BIRC6: variants seen among roughly 807,000 people sequenced by gnomAD.
The protein encoded by BIRC6 is baculoviral IAP repeat containing 6.
BIRC6 carries 98 observed loss-of-function variants against 503.3 expected under a neutral mutation model. The observed-to-expected ratio is 0.19, with a 90% CI of 0.17 to 0.23. The LOEUF is 0.23. Among genes scored for constraint, BIRC6 ranks in the 10% least tolerant of loss-of-function variants. The pLI is 1.00. For synonymous variants in BIRC6, 2,240 were observed against 2,078.7 expected (o/e 1.08, Z -2.11); for missense variants, 5,360 against 5,806.0 (o/e 0.92, Z 2.50).
chr2:32,377,557 C>G (rs572056035), intron 1 of BIRC6, 31 bp from the exon 2 acceptor site: 1 of 1,549,958 alleles, frequency 6.5e-7, no homozygotes, highest in African/African-American at 1.4e-5. Context: ...GCCTGAAAAT[C>G]TTAAGTGTTG....
chr2:32,520,488 T>C (rs1324063175), intron 57 of BIRC6, among the ~76,000 whole-genome samples: 1 of 152,180 alleles, frequency 6.6e-6, no homozygotes, highest in Admixed American at 6.5e-5. Context: ...CCTGAAATTG[T>C]CCATTCTACA....
At chr2:32,584,615 T>G (rs1465234086) in intron 66 of BIRC6, among the ~76,000 whole-genome samples, 2 of 152,232 alleles carry the variant, frequency 1.3e-5, no homozygotes, top group Non-Finnish European at 2.9e-5. Context: ...TTGTATGTTT[T>G]TCTTGTTCAA....
intron 23 of BIRC6, among the ~76,000 whole-genome samples, chr2:32,456,674 TTAA>T: frequency 6.6e-6 from 1 of 152,344 alleles, no homozygotes; most frequent in Middle Eastern, 3.4e-3. Context: ...CCATCCATAC[TTAA>T]TAATGTTAAC....
At chr2:32,607,365 T>A in intron 71 of BIRC6, 90 bp from the exon 72 acceptor site, 1 of 882,552 alleles carries the variant, frequency 1.1e-6, no homozygotes, top group African/African-American at 1.7e-5. Flanking sequence ...AAACACATAT[T>A]AAAGAAGAGT....
intron 25 of BIRC6, 113 bp from the exon 26 acceptor site, chr2:32,464,952 C>A: frequency 7.5e-7 from 1 of 1,335,270 alleles, no homozygotes; most frequent in Non-Finnish European, 1.0e-6. Flanking sequence ...TAAAATATTA[C>A]AGTACATACA....
Position 32,430,947 on chromosome 2 carries a change from T to G in BIRC6, c.3105T>G (p.Thr1035=), listed in dbSNP as rs2044033935. The G allele has an allele frequency of 2.5e-6, 4 of 1,613,230 alleles. No homozygotes were observed. In the African/African-American group the frequency reaches 5.3e-5, roughly 22 times the overall value. Residue 1035 remains threonine (T), a synonymous_variant, in exon 12 of 74, where the codon ACT becomes ACG. Transcript: ENST00000421745. The stretch of plus-strand genomic sequence containing the variant: ...AGCTAACCCGCTTTGAGACTTTGAC[T>G]CCAAGGTTTTCAGCGACTGTTCCTC... ...LVELTRFETL[T]PRFSATVPPC...
intron 3 of BIRC6, among the ~76,000 whole-genome samples, chr2:32,386,348 T>G (rs777037841): frequency 2.0e-5 from 3 of 152,146 alleles, no homozygotes; most frequent in African/African-American, 7.2e-5. Context: ...ACCTGATAGT[T>G]TACCATCCAC....
chr2:32,551,103 T>G (rs12465072), intron 65 of BIRC6, among the ~76,000 whole-genome samples: 10 of 151,846 alleles, frequency 6.6e-5, no homozygotes, highest in Non-Finnish European at 1.2e-4. Context: ...ATGTAACTTA[T>G]AGTCAGTAGG....
At chr2:32,456,086 T>G (rs1401059601) in intron 23 of BIRC6, among the ~76,000 whole-genome samples, 1 of 152,212 alleles carries the variant, frequency 6.6e-6, no homozygotes, top group Non-Finnish European at 1.5e-5. Flanking sequence ...AAAGAACATT[T>G]CCAGCACCCC....
chr2:32,519,809 C>T (rs2055448821), intron 57 of BIRC6, among the ~76,000 whole-genome samples: 1 of 152,174 alleles, frequency 6.6e-6, no homozygotes, highest in South Asian at 2.1e-4. Flanking sequence ...TGAGCTACCG[C>T]GCCTGGCCCA....
intron 40 of BIRC6, among the ~76,000 whole-genome samples, chr2:32,486,719 A>T: frequency 6.6e-6 from 1 of 152,204 alleles, no homozygotes. Context: ...CTTATGTTAA[A>T]TTGAATTCTT....
rs141751482 is a variant in BIRC6 at position 32,479,568 on chromosome 2, A to G, written c.7359A>G (p.Ser2453=). Residue 2453 remains serine (S), a synonymous_variant, in exon 37 of 74, where the codon TCA becomes TCG. Transcript: ENST00000421745. The part of the protein sequence containing the change: ...GDSDDSLQQS[S]VQLLETIDEP... ...CTGATGACTCCCTTCAACAGTCCTCAGTTCAGTTGCTGGAAACTATAGATG... is the reference window on the plus strand; with the variant it reads ...CTGATGACTCCCTTCAACAGTCCTCGGTTCAGTTGCTGGAAACTATAGATG... The G allele has an allele frequency of 6.2e-7, 1 of 1,609,684 alleles. No homozygotes were observed. Among genetic ancestry groups the G allele is most frequent in the Non-Finnish European group, 8.5e-7 (1 of 1,177,826 alleles).
intron 65 of BIRC6, among the ~76,000 whole-genome samples, chr2:32,559,377 G>T (rs2058999467): frequency 6.6e-6 from 1 of 152,194 alleles, no homozygotes; most frequent in Non-Finnish European, 1.5e-5. Flanking sequence ...ACAGCGTGTT[G>T]TGCCTCTGTT....
At chr2:32,358,431 G>A (rs2033532348) in intron 1 of BIRC6, among the ~76,000 whole-genome samples, 1 of 152,156 alleles carries the variant, frequency 6.6e-6, no homozygotes. Flanking sequence ...AATGGCCCTG[G>A]CTGAGTTAGA....
At chr2:32,425,795 A>G (rs2043423362) in intron 10 of BIRC6, among the ~76,000 whole-genome samples, 2 of 152,202 alleles carry the variant, frequency 1.3e-5, no homozygotes, top group African/African-American at 2.4e-5. Flanking sequence ...GCAAGAGTCT[A>G]TTCTGGTCCC....
chr2:32,463,446 A>G, intron 24 of BIRC6, 65 bp downstream of exon 24: 1 of 1,425,208 alleles, frequency 7.0e-7, no homozygotes, highest in South Asian at 1.5e-5. Context: ...AAAGTACTTT[A>G]AAAATGACCA....
chr2:32,603,734 A>G (rs1238927032), intron 71 of BIRC6, among the ~76,000 whole-genome samples: 5 of 152,090 alleles, frequency 3.3e-5, no homozygotes, highest in Non-Finnish European at 1.5e-5. Flanking sequence ...AAAAATAAAA[A>G]TCAATAAATA....
chr2:32,414,912 A>C lies in BIRC6; in HGVS notation c.1621A>C (p.Asn541His), dbSNP rs781505679. ...TAAGGATCTTGAAGAACTTGGGGCA[A>C]ATCCTTGTTTAACAAACTCTAAGAG... ...TVKDLEELGANPCLTNSKSEK... is the reference protein window; with the variant it reads ...TVKDLEELGAHPCLTNSKSEK... Residue 541 changes from asparagine (N) to histidine (H), a missense_variant, in exon 10 of 74, where the codon AAT becomes CAT. By Grantham distance (68) the Asn-to-His change is moderately conservative. Coordinates refer to ENST00000421745, the MANE Select transcript of BIRC6 (RefSeq NM_016252.4). The C allele has an allele frequency of 1.6e-5, 26 of 1,613,888 alleles. No individual in the cohort carries two copies. Among genetic ancestry groups the C allele is most frequent in the Admixed American group, 1.0e-4 (6 of 60,004 alleles).
At chr2:32,371,727 A>T (rs2035987102) in intron 1 of BIRC6, among the ~76,000 whole-genome samples, 1 of 151,762 alleles carries the variant, frequency 6.6e-6, no homozygotes, top group Admixed American at 6.6e-5. Flanking sequence ...GATCATAGTG[A>T]TGTGTTATGA....
Sources: allele counts gnomAD v4.1 joint callset (sites outside exome capture counted in the v4.1 genomes callset), GRCh38; gene constraint gnomAD v4.1.1; transcripts MANE v1.5; gene names NCBI Gene and HGNC (gene_info 2026-07-23, HGNC 2026-07-21).